Variants in RBFOX1 observed in about 807,000 individuals in gnomAD.
The protein encoded by RBFOX1 is RNA binding protein fox-1 homolog 1.
RBFOX1 carries 8 observed loss-of-function variants against 57.7 expected under a neutral mutation model. The ratio of observed to expected loss-of-function variants is 0.14; its 90% CI spans 0.08 to 0.25. RBFOX1 has a LOEUF of 0.25. RBFOX1 is among the 10% of genes least tolerant of loss of function. The probability of loss-of-function intolerance (pLI) is 1.00; values close to 1 mark genes in which losing one functional copy is unlikely to be tolerated. For missense variants in RBFOX1, 611 were observed against 548.5 expected (o/e 1.11, Z -1.14); for synonymous variants, 326 against 222.4 (o/e 1.47, Z -4.15).
At chr16:5,659,875 C>T (rs998618098) in intron 3 of RBFOX1, among the ~76,000 whole-genome samples, 3 of 152,142 alleles carry the variant, frequency 2.0e-5, no homozygotes, top group African/African-American at 7.2e-5. Flanking sequence ...ACTAGTTATC[C>T]TCATCCCTAC....
intron 5 of RBFOX1, chr16:7,519,595 T>A (rs981357866): frequency 8.1e-6 from 4 of 491,684 alleles, no homozygotes; most frequent in Admixed American, 6.4e-5. Context: ...GTGTGCCACC[T>A]AAAGTAATCA....
At chr16:7,626,438 C>A (rs1486569584) in intron 10 of RBFOX1, among the ~76,000 whole-genome samples, 1 of 152,164 alleles carries the variant, frequency 6.6e-6, no homozygotes, top group Non-Finnish European at 1.5e-5. Flanking sequence ...TGTGGGACAT[C>A]TTGCCAGGTT....
At chr16:5,584,630 G>C (rs550539805) in intron 2 of RBFOX1, among the ~76,000 whole-genome samples, 1 of 152,178 alleles carries the variant, frequency 6.6e-6, no homozygotes, top group Non-Finnish European at 1.5e-5. Flanking sequence ...TGTCTCCTGA[G>C]TGTGGTTACC....
intron 3 of RBFOX1, among the ~76,000 whole-genome samples, chr16:5,749,946 T>C (rs140669713): frequency 7.7e-4 from 117 of 152,316 alleles, no homozygotes; most frequent in African/African-American, 2.7e-3. Flanking sequence ...GGTACTCTGA[T>C]TTTTAGAATT....
In RBFOX1 at chr16:7,210,323, T is replaced by C. The variant is rs1052373024; in HGVS notation, c.27+158225T>C. ...ATCAGGAAGAGTATGTTGGCAACTC[T>C]TGGGCAGGAGCTGACAGCGTGGACC... is the stretch of plus-strand genomic sequence containing the variant. On this transcript the variant is annotated intron_variant, in intron 4 of 15. Coordinates refer to ENST00000550418, the MANE Select transcript of RBFOX1 (RefSeq NM_018723.4). 2.0e-5 allele frequency among the ~76,000 whole-genome samples: 3 copies of C among 152,130 alleles called. No homozygotes were observed. The South Asian group carries it at 6.2e-4, about 32-fold the overall frequency.
chr16:6,395,151 C>T (rs1244131258), intron 2 of RBFOX1, among the ~76,000 whole-genome samples: 2 of 152,182 alleles, frequency 1.3e-5, no homozygotes, highest in African/African-American at 4.8e-5. Context: ...ATTCAGCTGG[C>T]ATGTGGAAAT....
intron 1 of RBFOX1, among the ~76,000 whole-genome samples, chr16:5,263,900 G>C (rs2062796704): frequency 6.6e-6 from 1 of 152,212 alleles, no homozygotes; most frequent in South Asian, 2.1e-4. Flanking sequence ...AGAGTTGGAT[G>C]GTGAGATTAT....
intron 2 of RBFOX1, among the ~76,000 whole-genome samples, chr16:6,490,697 C>T (rs567439568): frequency 9.5e-4 from 145 of 152,224 alleles, no homozygotes; most frequent in Middle Eastern, 6.8e-3. Context: ...GGTCATGGAG[C>T]AATATTAAAG....
rs150124426 is a variant in RBFOX1, at chr16:7,058,853, C to A, written c.27+6755C>A. On this transcript the variant is annotated intron_variant, in intron 4 of 15. Coordinates refer to ENST00000550418, the MANE Select transcript of RBFOX1 (RefSeq NM_018723.4). Reference sequence around the variant, plus strand: ...ACTTATTTAAGTTAAAAATGGGTTGCTTTAAAGATAAATATTAACTTCATA... The same window carrying A: ...ACTTATTTAAGTTAAAAATGGGTTGATTTAAAGATAAATATTAACTTCATA... Among the ~76,000 whole-genome samples, 542 of 152,110 alleles carry A rather than the reference C, an allele frequency of 3.6e-3. 3 individuals are homozygous for A. The highest frequency in any genetic ancestry group is 0.01 in the Middle Eastern group (3 of 294).
chr16:6,050,309 G>C (rs1159037067), intron 1 of RBFOX1, among the ~76,000 whole-genome samples: 3 of 152,076 alleles, frequency 2.0e-5, no homozygotes, highest in Non-Finnish European at 4.4e-5. Flanking sequence ...TTGTGTGTTT[G>C]TTTTAACATT....
At chr16:5,585,761 A>T (rs559044780) in intron 2 of RBFOX1, among the ~76,000 whole-genome samples, 138 of 152,350 alleles carry the variant, frequency 9.1e-4, no homozygotes, top group African/African-American at 3.2e-3. Flanking sequence ...GTATGTGGCC[A>T]TCACCTGGGT....
intron 1 of RBFOX1, among the ~76,000 whole-genome samples, chr16:5,404,222 T>A (rs2151446166): frequency 6.6e-6 from 1 of 152,246 alleles, no homozygotes; most frequent in East Asian, 1.9e-4. Context: ...GATGAGTGCC[T>A]GGGAAGCCCT....
At chr16:6,190,482 G>C (rs2097134648) in intron 1 of RBFOX1, among the ~76,000 whole-genome samples, 1 of 152,164 alleles carries the variant, frequency 6.6e-6, no homozygotes, top group African/African-American at 2.4e-5. Context: ...CTAATCCTGT[G>C]TTGATTATTT....
intron 8 of RBFOX1, among the ~76,000 whole-genome samples, chr16:7,596,356 A>G (rs2094701932): frequency 6.6e-6 from 1 of 151,750 alleles, no homozygotes; most frequent in Non-Finnish European, 1.5e-5. Context: ...CCACAGGGTC[A>G]TATTTGTTAA....
intron 3 of RBFOX1, among the ~76,000 whole-genome samples, chr16:6,715,516 A>G (rs1172259509): frequency 2.6e-5 from 4 of 152,270 alleles, no homozygotes; most frequent in East Asian, 1.9e-4. Flanking sequence ...GTCCCAACCA[A>G]TTTATTCTCT....
chr16:7,096,205 G>C (rs925343528), intron 4 of RBFOX1, among the ~76,000 whole-genome samples: 2 of 152,056 alleles, frequency 1.3e-5, no homozygotes, highest in Non-Finnish European at 2.9e-5. Context: ...TCGAGCAAAA[G>C]TAGTCGATAA....
At chr16:7,264,034 C>G (rs1269430022) in intron 4 of RBFOX1, among the ~76,000 whole-genome samples, 1 of 151,908 alleles carries the variant, frequency 6.6e-6, no homozygotes, top group East Asian at 1.9e-4. Context: ...AACCAACACC[C>G]TTCAAGCTAG....
At chr16:7,173,893 C>A (rs1224356328) in intron 4 of RBFOX1, among the ~76,000 whole-genome samples, 1 of 152,182 alleles carries the variant, frequency 6.6e-6, no homozygotes, top group East Asian at 1.9e-4. Context: ...TCAGTGGTTT[C>A]TCTGACAGTT....
chr16:7,384,247 GTA>G, intron 4 of RBFOX1, among the ~76,000 whole-genome samples: 1 of 151,932 alleles, frequency 6.6e-6, no homozygotes, highest in Non-Finnish European at 1.5e-5. Context: ...AAAGCAAGGA[GTA>G]TGAAACTTAT....
Sources: gnomAD v4.1 joint callset for allele counts (sites outside exome capture counted in the v4.1 genomes callset) on GRCh38, gnomAD v4.1.1 for gene constraint, MANE v1.5 for transcripts, NCBI Gene and HGNC (gene_info 2026-07-23, HGNC 2026-07-21) for gene names.